The following GRM7 variants were observed in gnomAD, a reference collection of about 807,000 sequenced individuals.
The protein encoded by GRM7 is metabotropic glutamate receptor 7.
Under a neutral mutation model 84.5 loss-of-function variants are expected in GRM7, and 35 were observed. That is an observed-to-expected ratio of 0.41 (90% CI 0.32 to 0.55). The LOEUF (loss-of-function observed/expected upper bound fraction) is 0.55. Among genes scored for constraint, GRM7 ranks in the 20% least tolerant of loss-of-function variants. GRM7 has a pLI of 0.19. For synonymous variants in GRM7, 487 were observed against 455.1 expected, an observed-to-expected ratio of 1.07 and a Z score of -0.89; for missense variants, 1,003 against 1,194.6, an observed-to-expected ratio of 0.84 and a Z score of 2.36.
At chr3:7,738,952 T>C (rs548560822) in intron 9 of GRM7, among the ~76,000 whole-genome samples, 4 of 152,280 alleles carry the variant, frequency 2.6e-5, no homozygotes, top group Non-Finnish European at 2.9e-5. Context: ...CCTGGAAGAT[T>C]TGGGCATTAT....
chr3:7,445,020 C>T (rs1483108748), intron 5 of GRM7, among the ~76,000 whole-genome samples: 5 of 152,100 alleles, frequency 3.3e-5, no homozygotes, highest in African/African-American at 7.2e-5. Context: ...GGCCTTTCTG[C>T]GTTGTTTTCT....
chr3:7,656,788 G>C (rs1699223365), intron 8 of GRM7, among the ~76,000 whole-genome samples: 1 of 152,044 alleles, frequency 6.6e-6, no homozygotes, highest in African/African-American at 2.4e-5. Context: ...AGAGGTTCTA[G>C]AAAAACAAAT....
At chr3:7,730,667 G>A (rs995556834) in intron 9 of GRM7, among the ~76,000 whole-genome samples, 1 of 152,148 alleles carries the variant, frequency 6.6e-6, no homozygotes, top group Admixed American at 6.5e-5. Context: ...TTTTCATCCA[G>A]GAACACTAAG....
chr3:7,359,065 T>G (rs1452043974), intron 4 of GRM7, among the ~76,000 whole-genome samples: 2 of 142,556 alleles, frequency 1.4e-5, no homozygotes, highest in African/African-American at 2.6e-5. Context: ...TGAGCCGAGA[T>G]CATGCCACTG....
chr3:7,059,646 A>C (rs900721996), intron 1 of GRM7, among the ~76,000 whole-genome samples: 2 of 151,690 alleles, frequency 1.3e-5, no homozygotes, highest in African/African-American at 4.8e-5. Flanking sequence ...TCTTAACCCT[A>C]TATAGTACCT....
At chr3:7,250,351 T>C (rs1697932526) in intron 2 of GRM7, among the ~76,000 whole-genome samples, 1 of 151,634 alleles carries the variant, frequency 6.6e-6, no homozygotes, top group Non-Finnish European at 1.5e-5. Context: ...TATGTGAAAG[T>C]AGTTTAAAGA....
At chr3:7,410,981 G>A (rs939824470) in intron 4 of GRM7, among the ~76,000 whole-genome samples, 1 of 152,100 alleles carries the variant, frequency 6.6e-6, no homozygotes, top group Non-Finnish European at 1.5e-5. Context: ...AAGGCTCTAG[G>A]CGGAGTAGCC....
chr3:7,325,066 G>C (rs1035598287), intron 4 of GRM7, among the ~76,000 whole-genome samples: 1 of 152,126 alleles, frequency 6.6e-6, no homozygotes, highest in Non-Finnish European at 1.5e-5. Flanking sequence ...AAGAGACAGA[G>C]CCTCATTGCC....
chr3:6,963,418 A>C (rs1467596874), intron 1 of GRM7, among the ~76,000 whole-genome samples: 2 of 152,220 alleles, frequency 1.3e-5, no homozygotes, highest in Non-Finnish European at 2.9e-5. Context: ...TTACTGCATA[A>C]AAAATATATC....
At chr3:6,888,122 T>C (rs1293109249) in intron 1 of GRM7, among the ~76,000 whole-genome samples, 2 of 152,178 alleles carry the variant, frequency 1.3e-5, no homozygotes, top group South Asian at 2.1e-4. Flanking sequence ...TTGTAGATTC[T>C]GGATATTAGC....
At chr3:7,649,035 C>T (rs188633066) in intron 8 of GRM7, among the ~76,000 whole-genome samples, 5 of 152,064 alleles carry the variant, frequency 3.3e-5, no homozygotes, top group East Asian at 3.9e-4. Flanking sequence ...AAGTTCATGC[C>T]GCAGGGAAAA....
intron 2 of GRM7, among the ~76,000 whole-genome samples, chr3:7,297,298 A>T (rs1289254975): frequency 1.3e-5 from 2 of 151,976 alleles, no homozygotes; most frequent in Non-Finnish European, 2.9e-5. Flanking sequence ...GTGTTTGGAG[A>T]TATTTTTATC....
chr3:7,674,796 A>G (rs930854456), intron 8 of GRM7, among the ~76,000 whole-genome samples: 10 of 152,226 alleles, frequency 6.6e-5, no homozygotes, highest in Non-Finnish European at 1.3e-4. Flanking sequence ...CAGTCCAGGC[A>G]CTTGTATCTC....
intron 4 of GRM7, among the ~76,000 whole-genome samples, chr3:7,384,297 G>C (rs1694702798): frequency 6.6e-6 from 1 of 152,140 alleles, no homozygotes; most frequent in Non-Finnish European, 1.5e-5. Context: ...CCAAAGTGCT[G>C]GGATTACAGG....
intron 7 of GRM7, among the ~76,000 whole-genome samples, chr3:7,542,103 C>T (rs1692912402): frequency 6.6e-6 from 1 of 152,144 alleles, no homozygotes; most frequent in African/African-American, 2.4e-5. Context: ...TAGAACCTAC[C>T]CTAATGAAGT....
chr3:6,923,176 G>A (rs1244408389), intron 1 of GRM7, among the ~76,000 whole-genome samples: 1 of 151,882 alleles, frequency 6.6e-6, no homozygotes, highest in Non-Finnish European at 1.5e-5. Flanking sequence ...CATCATGCCT[G>A]GCTAATTTTT....
intron 1 of GRM7, among the ~76,000 whole-genome samples, chr3:7,105,969 T>C (rs1255433380): frequency 2.0e-5 from 3 of 151,866 alleles, no homozygotes; most frequent in African/African-American, 7.2e-5. Flanking sequence ...TACTTTTTCT[T>C]CACAATTCAA....
intron 6 of GRM7, among the ~76,000 whole-genome samples, chr3:7,460,918 G>C (rs1243065213): frequency 1.3e-5 from 2 of 152,106 alleles, no homozygotes. Flanking sequence ...GTCTAATTCT[G>C]CCAGAATAAT....
At chr3:7,452,253 CATT>C (rs35845341) in intron 5 of GRM7, among the ~76,000 whole-genome samples, 29,433 of 151,932 alleles carry the variant, frequency 0.19, 3,323 homozygotes, top group East Asian at 0.49. Flanking sequence ...TGTTTTCTGT[CATT>C]ATCCATTTGA....
Sources: gnomAD v4.1 joint callset for allele counts (sites outside exome capture counted in the v4.1 genomes callset) on GRCh38, gnomAD v4.1.1 for gene constraint, MANE v1.5 for transcripts, NCBI Gene and HGNC (gene_info 2026-07-23, HGNC 2026-07-21) for gene names.